Variants in UBE2V2 observed in about 807,000 individuals in gnomAD.
The protein encoded by UBE2V2 is ubiquitin-conjugating enzyme E2 variant 2.
In UBE2V2, 9 loss-of-function variants were observed where a neutral mutation model predicts 17.2. That is an observed-to-expected ratio of 0.52 (90% CI 0.32 to 0.91). UBE2V2 has a LOEUF of 0.91. Ranked by LOEUF, UBE2V2 falls within the 40% of genes least tolerant of loss-of-function variation. The pLI, the probability that UBE2V2 is intolerant of heterozygous loss-of-function variation, is 0.04. For missense variants in UBE2V2, 133 were observed against 182.6 expected, an observed-to-expected ratio of 0.73 and a Z score of 1.56; for synonymous variants, 61 against 57.5, an observed-to-expected ratio of 1.06 and a Z score of -0.28.
At chr8:48,055,312 G>C (rs1280023164) in intron 3 of UBE2V2, among the ~76,000 whole-genome samples, 1 of 150,680 alleles carries the variant, frequency 6.6e-6, no homozygotes, top group African/African-American at 2.4e-5. Context: ...TGACTCTCCT[G>C]CCTCAGCCTC....
At chr8:48,034,180 G>A (rs1378631133) in intron 1 of UBE2V2, among the ~76,000 whole-genome samples, 1 of 148,608 alleles carries the variant, frequency 6.7e-6, no homozygotes, top group Non-Finnish European at 1.5e-5. Context: ...GGAGTGCAGT[G>A]GTGCCATCTT....
Position 48,033,045 on chromosome 8 carries a change from G to A in UBE2V2, c.17-9988G>A, listed in dbSNP as rs2091394587. Among the ~76,000 whole-genome samples the A allele has an allele frequency of 2.6e-5, 4 of 152,068 alleles. No individual in the cohort carries two copies. In the South Asian group the frequency reaches 8.3e-4, roughly 32 times the overall value. On this transcript the variant is annotated intron_variant, in intron 1 of 3. Transcript: ENST00000523111. ...TGAGGATGCCTTGAAAGGAGCAGGG[G>A]CATACCATCCAGAGTACAAGACAGA... is the stretch of plus-strand genomic sequence containing the variant.
At chr8:48,025,292 G>A (rs1463055232) in intron 1 of UBE2V2, among the ~76,000 whole-genome samples, 1 of 148,856 alleles carries the variant, frequency 6.7e-6, no homozygotes, top group African/African-American at 2.5e-5. Flanking sequence ...TTTTGAGATG[G>A]AGTCTCACTC....
chr8:48,047,952 AT>A (rs1389488654), intron 2 of UBE2V2, among the ~76,000 whole-genome samples: 2 of 148,508 alleles, frequency 1.3e-5, no homozygotes, highest in East Asian at 2.0e-4. Flanking sequence ...TTGGGATTAA[AT>A]TTTTTTTTGT....
intron 1 of UBE2V2, among the ~76,000 whole-genome samples, chr8:48,023,137 T>C (rs1405908148): frequency 6.6e-6 from 1 of 152,130 alleles, no homozygotes; most frequent in African/African-American, 2.4e-5. Flanking sequence ...TGAATCTGGT[T>C]GGAGACCCTT....
At chr8:48,042,779 C>G (rs930079218) in intron 1 of UBE2V2, 1 of 285,700 alleles carries the variant, frequency 3.5e-6, no homozygotes, top group African/African-American at 2.2e-5. Context: ...TGACTTACAT[C>G]AGTATAAAAT....
intron 1 of UBE2V2, among the ~76,000 whole-genome samples, chr8:48,021,082 T>G (rs1461717594): frequency 1.3e-5 from 2 of 150,944 alleles, no homozygotes; most frequent in Non-Finnish European, 1.5e-5. Context: ...TATAGGTTTT[T>G]TTTTTTTTTT....
At chr8:48,032,428 C>G (rs1194667114) in intron 1 of UBE2V2, among the ~76,000 whole-genome samples, 1 of 151,904 alleles carries the variant, frequency 6.6e-6, no homozygotes, top group Non-Finnish European at 1.5e-5. Flanking sequence ...TTCACAGTGT[C>G]TGAATGATGG....
chr8:48,012,493 C>T lies in UBE2V2; in HGVS notation c.16+4023C>T, dbSNP rs868043399. Among the ~76,000 whole-genome samples, 10 of 152,030 alleles carry T rather than the reference C, an allele frequency of 6.6e-5. No homozygotes were observed. In the South Asian group the frequency reaches 1.7e-3, roughly 25 times the overall value. On this transcript the variant is annotated intron_variant, in intron 1 of 3. Coordinates refer to ENST00000523111, the MANE Select transcript of UBE2V2 (RefSeq NM_003350.3). ...CAGCACTTTGGGAGGCCGAGGTGGG[C>T]GGATTACCTGAGGTCGGGAGGTTGA... is the stretch of plus-strand genomic sequence containing the variant.
rs1165746151 is a variant in UBE2V2, at chr8:48,043,192, T to C, written c.165+11T>C. ...ATTGGGCCACCAAGGGTCAGTGTTA[T>C]AAATTATATTTTTTCTATTAATACT... On this transcript the variant is annotated intron_variant, in intron 2 of 3. Transcript: ENST00000523111. The C allele has an allele frequency of 6.2e-6, 9 of 1,449,384 alleles. No individual in the cohort carries two copies. In the South Asian group the frequency reaches 1.2e-4, roughly 19 times the overall value. 89.8% of individuals were successfully genotyped at this position (1,449,384 alleles called of 1,614,324 possible).
intron 1 of UBE2V2, chr8:48,008,696 G>C (rs2091204522): frequency 3.0e-6 from 1 of 329,228 alleles, no homozygotes; most frequent in African/African-American, 2.2e-5. Context: ...GCGCCGGCGG[G>C]CTGGGGGCGG....
At chr8:48,012,739 C>T (rs1162851503) in intron 1 of UBE2V2, among the ~76,000 whole-genome samples, 1 of 151,834 alleles carries the variant, frequency 6.6e-6, no homozygotes, top group East Asian at 1.9e-4. Flanking sequence ...AGAAAAAAAG[C>T]GTGTGCAATA....
At chr8:48,045,243 A>C (rs1400037173) in intron 2 of UBE2V2, among the ~76,000 whole-genome samples, 1 of 152,214 alleles carries the variant, frequency 6.6e-6, no homozygotes, top group Non-Finnish European at 1.5e-5. Flanking sequence ...AGCAGAGAAA[A>C]GCATACAAAT....
At chr8:48,036,751 C>T (rs2091427791) in intron 1 of UBE2V2, among the ~76,000 whole-genome samples, 1 of 151,586 alleles carries the variant, frequency 6.6e-6, no homozygotes, top group African/African-American at 2.4e-5. Flanking sequence ...AATATTTTTT[C>T]AATTGATGTT....
chr8:48,034,291 A>T (rs1204286516), intron 1 of UBE2V2, among the ~76,000 whole-genome samples: 1 of 151,616 alleles, frequency 6.6e-6, no homozygotes, highest in Non-Finnish European at 1.5e-5. Flanking sequence ...AGCCAGGCTA[A>T]TTTTTTTGTA....
chr8:48,036,231 A>G (rs1249583756), intron 1 of UBE2V2, among the ~76,000 whole-genome samples: 1 of 151,628 alleles, frequency 6.6e-6, no homozygotes, highest in African/African-American at 2.4e-5. Context: ...TTAAGATTAC[A>G]GGTGTGAGCC....
intron 2 of UBE2V2, among the ~76,000 whole-genome samples, chr8:48,048,144 G>A (rs1410961717): frequency 2.6e-5 from 4 of 152,106 alleles, no homozygotes; most frequent in South Asian, 2.1e-4. Context: ...CTCCCTTTGC[G>A]CTTTCCCACA....
intron 1 of UBE2V2, among the ~76,000 whole-genome samples, chr8:48,035,225 C>T (rs2091414297): frequency 6.7e-6 from 1 of 148,438 alleles, no homozygotes. Context: ...AAGCAATTCT[C>T]ATGTCTCAGC....
intron 2 of UBE2V2, among the ~76,000 whole-genome samples, chr8:48,048,140 T>G (rs1302108455): frequency 6.6e-6 from 1 of 152,134 alleles, no homozygotes; most frequent in African/African-American, 2.4e-5. Flanking sequence ...AAAGCTCCCT[T>G]TGCGCTTTCC....
Sources: gnomAD v4.1 joint callset for allele counts (sites outside exome capture counted in the v4.1 genomes callset) on GRCh38, gnomAD v4.1.1 for gene constraint, MANE v1.5 for transcripts, NCBI Gene and HGNC (gene_info 2026-07-23, HGNC 2026-07-21) for gene names.